Variants in VPS13B observed in about 807,000 individuals in gnomAD.
The protein encoded by VPS13B is intermembrane lipid transfer protein VPS13B.
Under a neutral mutation model 426.4 loss-of-function variants are expected in VPS13B, and 285 were observed. The ratio of observed to expected loss-of-function variants is 0.67; its 90% CI spans 0.61 to 0.74. The LOEUF is 0.74. VPS13B is among the 30% of genes least tolerant of loss of function. VPS13B has a pLI of 0.00. For synonymous variants in VPS13B, 1,676 were observed against 1,676.4 expected, an observed-to-expected ratio of 1.00 and a Z score of 0.01; for missense variants, 4,537 against 4,782.6, an observed-to-expected ratio of 0.95 and a Z score of 1.51.
intron 5 of VPS13B, among the ~76,000 whole-genome samples, chr8:99,106,072 A>C (rs1321123576): frequency 6.6e-6 from 1 of 152,050 alleles, no homozygotes; most frequent in Non-Finnish European, 1.5e-5. Context: ...CCCTTTTATT[A>C]GTTTTTTTTT....
chr8:99,242,797 G>A (rs1817004188), intron 17 of VPS13B, among the ~76,000 whole-genome samples: 1 of 152,024 alleles, frequency 6.6e-6, no homozygotes, highest in African/African-American at 2.4e-5. Flanking sequence ...TATTTTTATT[G>A]ATAGCGTCAA....
chr8:99,615,528 T>C (rs1268748469), intron 33 of VPS13B, among the ~76,000 whole-genome samples: 1 of 152,260 alleles, frequency 6.6e-6, no homozygotes, highest in East Asian at 1.9e-4. Context: ...TGCTAGAATC[T>C]GCTACCATAG....
chr8:99,577,647 G>T lies in VPS13B; in HGVS notation c.5220+14G>T. The T allele has an allele frequency of 6.2e-7, 1 of 1,612,988 alleles. No individual in the cohort carries two copies. The highest frequency in any genetic ancestry group is 8.5e-7 in the Non-Finnish European group (1 of 1,179,628). ...AAGGCTGCAGAGGTAACTGTTACCTGATTTTGATCAGGCTTACTGCATTTG... is the reference window on the plus strand; with the variant it reads ...AAGGCTGCAGAGGTAACTGTTACCTTATTTTGATCAGGCTTACTGCATTTG... On this transcript the variant is annotated intron_variant, in intron 33 of 61. Transcript: ENST00000357162.
chr8:99,856,923 A>C (rs1349007474), intron 56 of VPS13B, among the ~76,000 whole-genome samples: 3 of 152,140 alleles, frequency 2.0e-5, no homozygotes, highest in Non-Finnish European at 4.4e-5. Flanking sequence ...AATAAATAGT[A>C]ATTGGAAATC....
At position 99,720,486 on chromosome 8, in the gene VPS13B, A is replaced by G; in HGVS notation, c.6799A>G (p.Thr2267Ala). The change falls in exon 38 of 62, where the codon ACA becomes GCA. Residue 2267 changes from threonine to alanine, a missense_variant. Transcript: ENST00000357162. ...GTCATCTCCTGTGGAAAAGAATCAGACATTTAAAAGTGAACAAAGTTCAGA... is the reference window on the plus strand; with the variant it reads ...GTCATCTCCTGTGGAAAAGAATCAGGCATTTAAAAGTGAACAAAGTTCAGA... Reference protein sequence around the residue: ...QMSSPVEKNQTFKSEQSSDDL... With the variant: ...QMSSPVEKNQAFKSEQSSDDL... 6.2e-7 allele frequency: 1 copy of G among 1,614,066 alleles called. No homozygotes were observed. The highest frequency in any genetic ancestry group is 8.5e-7 in the Non-Finnish European group (1 of 1,179,940).
intron 3 of VPS13B, among the ~76,000 whole-genome samples, chr8:99,067,966 A>T (rs1319424664): frequency 6.6e-6 from 1 of 152,084 alleles, no homozygotes; most frequent in Non-Finnish European, 1.5e-5. Context: ...ACACTTTTAG[A>T]TATTTATCAT....
chr8:99,429,994 T>G (rs912384814), intron 21 of VPS13B, among the ~76,000 whole-genome samples: 1 of 152,150 alleles, frequency 6.6e-6, no homozygotes, highest in Non-Finnish European at 1.5e-5. Context: ...GCCTCCATAC[T>G]TTGCTTGAAA....
At position 99,108,961 on chromosome 8, in the gene VPS13B, A is replaced by C. The variant is rs188921365; in HGVS notation, c.581-2137A>C. Among the ~76,000 whole-genome samples, 698 of 152,264 alleles carry C rather than the reference A, an allele frequency of 4.6e-3. 4 individuals carry two copies. The highest frequency in any genetic ancestry group is 0.016 in the African/African-American group (652 of 41,548). ...ATTAGTTCTTTAAATGTTTGGTAGAATATGACAGTGAATCCAAAGGTCTTA... is the reference window on the plus strand; with the variant it reads ...ATTAGTTCTTTAAATGTTTGGTAGACTATGACAGTGAATCCAAAGGTCTTA... On this transcript the variant is annotated intron_variant, in intron 5 of 61. Coordinates refer to ENST00000357162, the MANE Select transcript of VPS13B (RefSeq NM_152564.5).
intron 39 of VPS13B, among the ~76,000 whole-genome samples, chr8:99,727,526 A>C (rs1833399925): frequency 6.6e-6 from 1 of 152,220 alleles, no homozygotes; most frequent in Non-Finnish European, 1.5e-5. Flanking sequence ...AAAAAGGAGC[A>C]AGTCACATCT....
chr8:99,239,671 T>C (rs1468071094), intron 17 of VPS13B, among the ~76,000 whole-genome samples: 2 of 141,606 alleles, frequency 1.4e-5, no homozygotes, highest in Non-Finnish European at 3.1e-5. Flanking sequence ...GGTTCTGAGG[T>C]TAAGAATCAG....
chr8:99,550,285 C>G (rs1182246386), intron 30 of VPS13B, among the ~76,000 whole-genome samples: 1 of 151,896 alleles, frequency 6.6e-6, no homozygotes, highest in Non-Finnish European at 1.5e-5. Flanking sequence ...AAAATAGAGT[C>G]ATTTTCATGT....
At chr8:99,829,417 G>A (rs1814917644) in intron 51 of VPS13B, among the ~76,000 whole-genome samples, 1 of 152,088 alleles carries the variant, frequency 6.6e-6, no homozygotes, top group South Asian at 2.1e-4. Context: ...GCTTCTCAAA[G>A]TTCTCGTACT....
At chr8:99,124,728 T>C (rs1232975504) in intron 8 of VPS13B, among the ~76,000 whole-genome samples, 1 of 151,392 alleles carries the variant, frequency 6.6e-6, no homozygotes, top group Non-Finnish European at 1.5e-5. Context: ...CTACTAAAAA[T>C]ACAAAAAGCT....
At chr8:99,682,068 G>A (rs562901882) in intron 35 of VPS13B, among the ~76,000 whole-genome samples, 3 of 152,326 alleles carry the variant, frequency 2.0e-5, no homozygotes, top group Admixed American at 2.0e-4. Context: ...TCAGCCTGCA[G>A]CATTTTTATG....
chr8:99,220,780 CT>C lies in VPS13B; in HGVS notation c.2515+27743del, dbSNP rs5893485. On this transcript the variant is annotated intron_variant, in intron 17 of 61. Transcript: ENST00000357162. The stretch of plus-strand genomic sequence containing the variant: ...CTGAGAAATTCTTCTTAGTTTTATT[CT>C]TTTTTTTTTTTTTTTTTTTATTATA... 5.1e-3 allele frequency among the ~76,000 whole-genome samples: 578 copies of C among 112,928 alleles called. 1 individual carries two copies. Among genetic ancestry groups the C allele is most frequent in the East Asian group, 0.021 (77 of 3,738 alleles). The allele number at this position is 112,928 out of a possible 152,430, so 74.1% of individuals were successfully genotyped here.
chr8:99,865,688 AAAG>A (rs1198899493), intron 58 of VPS13B, among the ~76,000 whole-genome samples: 2 of 152,260 alleles, frequency 1.3e-5, no homozygotes, highest in African/African-American at 2.4e-5. Context: ...TGGTCAAAAA[AAAG>A]AAGCGCTGAG....
At chr8:99,600,829 A>G (rs1339218154) in intron 33 of VPS13B, among the ~76,000 whole-genome samples, 5 of 152,142 alleles carry the variant, frequency 3.3e-5, no homozygotes, top group African/African-American at 1.2e-4. Flanking sequence ...GGCATCAGCT[A>G]TTCCTAAACT....
intron 43 of VPS13B, chr8:99,799,139 A>T (rs1813003726): frequency 6.6e-6 from 1 of 152,254 alleles, no homozygotes; most frequent in Non-Finnish European, 1.5e-5. Context: ...GGTCAGAATA[A>T]TGCCCAGGAC....
chr8:99,858,028 C>T (rs1816641342), intron 56 of VPS13B, among the ~76,000 whole-genome samples: 1 of 152,204 alleles, frequency 6.6e-6, no homozygotes, highest in Non-Finnish European at 1.5e-5. Context: ...TGTACCCTCA[C>T]CTTCCTGATC....
Sources: allele counts gnomAD v4.1 joint callset (sites outside exome capture counted in the v4.1 genomes callset), GRCh38; gene constraint gnomAD v4.1.1; transcripts MANE v1.5; gene names NCBI Gene and HGNC (gene_info 2026-07-23, HGNC 2026-07-21).